The following BACH2 variants were observed in gnomAD, a reference collection of about 807,000 sequenced individuals.
The protein encoded by BACH2 is BACH transcriptional regulator 2, also known as transcription regulator protein BACH2.
In BACH2, 5 loss-of-function variants were observed where a neutral mutation model predicts 61.8. The observed-to-expected ratio is 0.08, with a 90% CI of 0.04 to 0.17. BACH2 has a LOEUF of 0.17. Among genes scored for constraint, BACH2 ranks in the 10% least tolerant of loss-of-function variants. The pLI is 1.00. For synonymous variants in BACH2, 446 were observed against 440.1 expected (o/e 1.01, Z -0.17); for missense variants, 824 against 1,091.1 (o/e 0.76, Z 3.45).
At chr6:90,165,888 A>C (rs1453296441) in intron 4 of BACH2, among the ~76,000 whole-genome samples, 1 of 152,216 alleles carries the variant, frequency 6.6e-6, no homozygotes, top group Non-Finnish European at 1.5e-5. Context: ...CCTTCCTTAC[A>C]CCTTATACAA....
At chr6:90,293,473 A>G (rs139482115) in intron 1 of BACH2, among the ~76,000 whole-genome samples, 3 of 152,344 alleles carry the variant, frequency 2.0e-5, no homozygotes, top group African/African-American at 7.2e-5. Flanking sequence ...TTGGCATCAC[A>G]GGAGCCTCGA....
chr6:89,985,295 GC>G (rs1436532485), intron 6 of BACH2, among the ~76,000 whole-genome samples: 1 of 152,126 alleles, frequency 6.6e-6, no homozygotes, highest in Non-Finnish European at 1.5e-5. Flanking sequence ...AACTGAGGTG[GC>G]CACCTGGGAT....
At chr6:89,981,133 CTTT>C (rs35955706) in intron 6 of BACH2, among the ~76,000 whole-genome samples, 3 of 139,004 alleles carry the variant, frequency 2.2e-5, no homozygotes, top group African/African-American at 5.2e-5. Context: ...TCGTGATTCG[CTTT>C]TTTTTTTTTT....
At chr6:90,291,056 A>G (rs540978388) in intron 1 of BACH2, among the ~76,000 whole-genome samples, 21 of 152,296 alleles carry the variant, frequency 1.4e-4, no homozygotes, top group African/African-American at 5.1e-4. Flanking sequence ...AGCCTTCAGG[A>G]AAAGAACAAA....
At chr6:90,173,847 G>A (rs992256565) in intron 4 of BACH2, among the ~76,000 whole-genome samples, 3 of 152,122 alleles carry the variant, frequency 2.0e-5, no homozygotes, top group Admixed American at 1.3e-4. Context: ...AATAAAGCTA[G>A]TAAAAAGACA....
At chr6:90,028,833 C>T (rs1778783482) in intron 5 of BACH2, among the ~76,000 whole-genome samples, 1 of 152,188 alleles carries the variant, frequency 6.6e-6, no homozygotes, top group Non-Finnish European at 1.5e-5. Context: ...AAACCTTGCA[C>T]AAGACACTTA....
At chr6:89,999,582 C>G (rs1160983355) in intron 6 of BACH2, among the ~76,000 whole-genome samples, 1 of 151,882 alleles carries the variant, frequency 6.6e-6, no homozygotes, top group African/African-American at 2.4e-5. Flanking sequence ...TGGTAAAGGC[C>G]CGGGTTCTAT....
chr6:90,007,806 A>C (rs9451313), intron 6 of BACH2, among the ~76,000 whole-genome samples: 25,924 of 152,124 alleles, frequency 0.17, 2,464 homozygotes, highest in Middle Eastern at 0.27. Flanking sequence ...GGCCCAAGAG[A>C]TGCACACCGC....
At chr6:90,157,274 A>T (rs1785027193) in intron 4 of BACH2, among the ~76,000 whole-genome samples, 1 of 152,272 alleles carries the variant, frequency 6.6e-6, no homozygotes, top group Non-Finnish European at 1.5e-5. Flanking sequence ...GCCAATCAAC[A>T]TATTCACTTG....
At chr6:90,285,720 T>C (rs1037460693) in intron 1 of BACH2, among the ~76,000 whole-genome samples, 3 of 152,092 alleles carry the variant, frequency 2.0e-5, no homozygotes, top group Admixed American at 6.5e-5. Context: ...AGCCTCCCAG[T>C]AGCTAACCAG....
intron 1 of BACH2, among the ~76,000 whole-genome samples, chr6:90,274,865 C>A (rs1444161974): frequency 1.3e-5 from 2 of 152,216 alleles, no homozygotes; most frequent in Admixed American, 6.5e-5. Flanking sequence ...ACCTGGGGCA[C>A]TGAAGAGGCT....
chr6:90,239,936 A>G (rs1417834123), intron 3 of BACH2, among the ~76,000 whole-genome samples: 2 of 152,168 alleles, frequency 1.3e-5, no homozygotes, highest in East Asian at 3.8e-4. Flanking sequence ...AAACGAACAC[A>G]TGAATCAACC....
At chr6:90,250,285 T>C (rs1458476741) in intron 3 of BACH2, among the ~76,000 whole-genome samples, 1 of 152,192 alleles carries the variant, frequency 6.6e-6, no homozygotes, top group Non-Finnish European at 1.5e-5. Context: ...ACACTAAGAA[T>C]ACTATTTTTT....
At chr6:90,209,676 T>C (rs1360846858) in intron 3 of BACH2, among the ~76,000 whole-genome samples, 1 of 152,188 alleles carries the variant, frequency 6.6e-6, no homozygotes, top group Non-Finnish European at 1.5e-5. Context: ...ATCATTTCCC[T>C]GAGGAACCCC....
rs371118833 is a variant in BACH2 at position 90,051,771 on chromosome 6, C to T, written c.-13+37190G>A. Among the ~76,000 whole-genome samples the T allele has an allele frequency of 3.0e-4, 46 of 151,870 alleles. 1 individual carries two copies. The highest frequency in any genetic ancestry group is 1.4e-3 in the Admixed American group (21 of 15,238). ...TTCCTTTTCTAGTAACAAACCTGCA[C>T]GTTCAGCACATGTATCCCAGAACTT... On this transcript the variant is annotated intron_variant, in intron 5 of 8. Coordinates refer to ENST00000257749, the MANE Select transcript of BACH2 (RefSeq NM_021813.4).
chr6:90,059,893 C>T (rs1250875709), intron 5 of BACH2, among the ~76,000 whole-genome samples: 2 of 145,560 alleles, frequency 1.4e-5, no homozygotes, highest in African/African-American at 2.6e-5. Flanking sequence ...CCAAACACCG[C>T]ATGTTCTCAC....
Position 89,969,779 on chromosome 6 carries a change from G to A in BACH2, c.244-17917C>T, listed in dbSNP as rs116124631. 6.1e-3 allele frequency among the ~76,000 whole-genome samples: 926 copies of A among 152,256 alleles called. 4 individuals are homozygous for A. Among genetic ancestry groups the A allele is most frequent in the African/African-American group, 0.021 (880 of 41,534 alleles). On this transcript the variant is annotated intron_variant, in intron 6 of 8. Transcript: ENST00000257749. ...TGTTGGGAAGAGGCTGACAGTGCTC[G>A]GAAAACCATGGAGCAAAACAGATGG...
chr6:90,195,806 C>G (rs1768737963), intron 4 of BACH2, among the ~76,000 whole-genome samples: 1 of 152,168 alleles, frequency 6.6e-6, no homozygotes, highest in African/African-American at 2.4e-5. Context: ...GGCTACAGAG[C>G]AGCTAAGGTA....
intron 4 of BACH2, among the ~76,000 whole-genome samples, chr6:90,101,375 GCATTT>G (rs1782619406): frequency 6.6e-6 from 1 of 152,100 alleles, no homozygotes; most frequent in Non-Finnish European, 1.5e-5. Flanking sequence ...ATTTTTGCTT[GCATTT>G]ATTTTTGTGA....
Sources: gnomAD v4.1 joint callset for allele counts (sites outside exome capture counted in the v4.1 genomes callset) on GRCh38, gnomAD v4.1.1 for gene constraint, MANE v1.5 for transcripts, NCBI Gene and HGNC (gene_info 2026-07-23, HGNC 2026-07-21) for gene names.